The following RYR2 variants were observed in gnomAD, a reference collection of about 807,000 sequenced individuals.
The protein encoded by RYR2 is cardiac muscle ryanodine receptor-calcium release channel.
RYR2 carries 227 observed loss-of-function variants against 601.1 expected under a neutral mutation model. The ratio of observed to expected loss-of-function variants is 0.38; its 90% CI spans 0.34 to 0.42. The LOEUF (loss-of-function observed/expected upper bound fraction) is 0.42, where lower values mean the gene tolerates loss of function less well. RYR2 is among the 10% of genes least tolerant of loss of function. The pLI is 1.00. For missense variants in RYR2, 4,646 were observed against 6,156.5 expected (o/e 0.75, Z 8.21); for synonymous variants, 2,223 against 2,175.1 (o/e 1.02, Z -0.61).
intron 80 of RYR2, among the ~76,000 whole-genome samples, chr1:237,751,903 A>T (rs909884039): frequency 3.3e-5 from 5 of 152,242 alleles, no homozygotes; most frequent in Admixed American, 2.6e-4. Context: ...TATTATTTGT[A>T]TATGTATAAT....
At position 237,355,945 on chromosome 1, in the gene RYR2, T is replaced by C. The variant is rs1699257791; in HGVS notation, c.274-20T>C. On this transcript the variant is annotated intron_variant, in intron 3 of 104. Transcript: ENST00000366574. Reference sequence around the variant, plus strand: ...GGTATTTGTTTGTTTGTTATTTATTTTGGCTTTTTCTTTCCACAGCAAGTT... The same window carrying C: ...GGTATTTGTTTGTTTGTTATTTATTCTGGCTTTTTCTTTCCACAGCAAGTT... The C allele has an allele frequency of 2.5e-6, 4 of 1,593,294 alleles. No homozygotes were observed. The East Asian group carries it at 9.0e-5, about 36-fold the overall frequency.
intron 101 of RYR2, among the ~76,000 whole-genome samples, chr1:237,826,304 C>A (rs190688155): frequency 3.3e-5 from 5 of 152,166 alleles, no homozygotes; most frequent in Admixed American, 6.5e-5. Flanking sequence ...TAAAAAGTGC[C>A]ACGTATGTAC....
intron 87 of RYR2, among the ~76,000 whole-genome samples, chr1:237,775,257 G>A (rs1440508218): frequency 6.6e-6 from 1 of 152,146 alleles, no homozygotes; most frequent in Non-Finnish European, 1.5e-5. Context: ...TTTCCCCAAT[G>A]CTGACATTTT....
At chr1:237,525,472 A>G (rs1667479216) in intron 24 of RYR2, among the ~76,000 whole-genome samples, 1 of 150,396 alleles carries the variant, frequency 6.6e-6, no homozygotes, top group Non-Finnish European at 1.5e-5. Flanking sequence ...TGTTTTTTTG[A>G]CAGAGTCTTG....
chr1:237,635,234 C>G (rs1334235999), intron 44 of RYR2, among the ~76,000 whole-genome samples: 2 of 152,038 alleles, frequency 1.3e-5, no homozygotes, highest in African/African-American at 4.8e-5. Context: ...TATAATTCTA[C>G]TATACATTAT....
chr1:237,136,647 G>T (rs2148730536), intron 1 of RYR2, among the ~76,000 whole-genome samples: 1 of 152,284 alleles, frequency 6.6e-6, no homozygotes, highest in East Asian at 1.9e-4. Context: ...AGGTTTTCCT[G>T]TTCAAGCATA....
chr1:237,465,715 C>G (rs181128287), intron 16 of RYR2, among the ~76,000 whole-genome samples: 1 of 152,052 alleles, frequency 6.6e-6, no homozygotes, highest in Non-Finnish European at 1.5e-5. Context: ...TGCGCGTCTA[C>G]GCTATACGGG....
chr1:237,540,357 T>C (rs746374937), intron 25 of RYR2, among the ~76,000 whole-genome samples: 10 of 152,278 alleles, frequency 6.6e-5, no homozygotes, highest in Admixed American at 2.6e-4. Flanking sequence ...CATTTAGCAC[T>C]TATCTATTAT....
At chr1:237,473,477 C>CTTTCTTTCTTTCTTTCTTTCTTCTTCT (rs1553464755) in intron 17 of RYR2, among the ~76,000 whole-genome samples, 1 of 145,670 alleles carries the variant, frequency 6.9e-6, no homozygotes, top group Non-Finnish European at 1.5e-5. Flanking sequence ...ATCTATCTAT[C>CTTTCTTTCTTTCTTTCTTTCTTCTTCT]TGGCATATAT....
intron 55 of RYR2, among the ~76,000 whole-genome samples, 190 bp downstream of exon 55, chr1:237,660,264 C>G (rs1161659255): frequency 6.6e-6 from 1 of 151,040 alleles, no homozygotes; most frequent in Non-Finnish European, 1.5e-5. Flanking sequence ...TTTCTGTCAG[C>G]CTTTCTGTGT....
intron 2 of RYR2, among the ~76,000 whole-genome samples, chr1:237,322,335 T>G (rs1478201045): frequency 2.6e-5 from 4 of 152,192 alleles, no homozygotes; most frequent in Non-Finnish European, 2.9e-5. Flanking sequence ...CTCTTCTCCT[T>G]TTGACTTTTG....
chr1:237,194,643 G>A (rs766148932), intron 1 of RYR2, among the ~76,000 whole-genome samples: 1 of 152,172 alleles, frequency 6.6e-6, no homozygotes, highest in South Asian at 2.1e-4. Context: ...ACCCAGAGGC[G>A]GGTCCATACT....
chr1:237,582,399 T>A (rs1046851357), intron 29 of RYR2, among the ~76,000 whole-genome samples: 1 of 151,560 alleles, frequency 6.6e-6, no homozygotes, highest in African/African-American at 2.4e-5. Flanking sequence ...AGTGAGCCAT[T>A]GTGCCTGGCT....
At chr1:237,625,953 C>A in intron 40 of RYR2, 149 bp downstream of exon 40, 1 of 770,406 alleles carries the variant, frequency 1.3e-6, no homozygotes, top group Non-Finnish European at 2.0e-6. Flanking sequence ...CTGTAGCTCC[C>A]AGAAATAAAC....
intron 34 of RYR2, among the ~76,000 whole-genome samples, chr1:237,600,248 C>T (rs34658370): frequency 4.0e-5 from 6 of 151,874 alleles, no homozygotes; most frequent in African/African-American, 1.4e-4. Context: ...GTAACCAAAA[C>T]AGACATATAG....
At chr1:237,511,877 T>C (rs1288154096) in intron 24 of RYR2, 86 bp downstream of exon 24, 3 of 828,658 alleles carry the variant, frequency 3.6e-6, no homozygotes, top group Non-Finnish European at 5.5e-6. Context: ...TGATGCTATA[T>C]GTTAATTGAG....
intron 1 of RYR2, among the ~76,000 whole-genome samples, chr1:237,183,595 C>T (rs1182996749): frequency 6.6e-6 from 1 of 152,104 alleles, no homozygotes; most frequent in African/African-American, 2.4e-5. Context: ...AGAGAATTCT[C>T]AGGTAGTAAA....
chr1:237,665,393 GTC>G (rs1361342079), intron 56 of RYR2, among the ~76,000 whole-genome samples: 1 of 111,284 alleles, frequency 9.0e-6, no homozygotes. Context: ...GCGAGACTCT[GTC>G]TCAAAAAAAA....
chr1:237,806,354 C>T (rs2149438096), intron 99 of RYR2, 71 bp downstream of exon 99: 1 of 1,415,562 alleles, frequency 7.1e-7, no homozygotes, highest in Non-Finnish European at 9.8e-7. Context: ...AAAAATAAAA[C>T]TACCCCTCAA....
Sources: gnomAD v4.1 joint callset for allele counts (sites outside exome capture counted in the v4.1 genomes callset) on GRCh38, gnomAD v4.1.1 for gene constraint, MANE v1.5 for transcripts, NCBI Gene and HGNC (gene_info 2026-07-23, HGNC 2026-07-21) for gene names.